The following MYO1E variants were observed in gnomAD, a reference collection of about 807,000 sequenced individuals.
MYO1E encodes unconventional myosin-Ie.
Under a neutral mutation model 151.1 loss-of-function variants are expected in MYO1E, and 68 were observed. The observed-to-expected ratio is 0.45, with a 90% CI of 0.37 to 0.55. MYO1E has a LOEUF of 0.55. Ranked by LOEUF, MYO1E falls within the 20% of genes least tolerant of loss-of-function variation. The probability of loss-of-function intolerance (pLI) is 0.00; values close to 1 mark genes in which losing one functional copy is unlikely to be tolerated. For missense variants in MYO1E, 1,363 were observed against 1,389.3 expected, an observed-to-expected ratio of 0.98 and a Z score of 0.30; for synonymous variants, 601 against 501.7, an observed-to-expected ratio of 1.20 and a Z score of -2.64.
At chr15:59,225,637 T>C (rs1405907767) in intron 7 of MYO1E, among the ~76,000 whole-genome samples, 3 of 76,410 alleles carry the variant, frequency 3.9e-5, no homozygotes, top group African/African-American at 7.4e-5. Flanking sequence ...TTTCTTTTTC[T>C]TTCTTTTCTT....
chr15:59,347,981 A>G (rs547553046), intron 1 of MYO1E, among the ~76,000 whole-genome samples: 89 of 152,322 alleles, frequency 5.8e-4, no homozygotes, highest in African/African-American at 1.9e-3. Flanking sequence ...CACAGCTGTA[A>G]AGCAGCGGCT....
intron 8 of MYO1E, among the ~76,000 whole-genome samples, chr15:59,223,673 G>A (rs1318822437): frequency 1.3e-5 from 2 of 152,082 alleles, no homozygotes; most frequent in Admixed American, 1.3e-4. Context: ...TCATCAGGAG[G>A]GATAAGAATA....
intron 15 of MYO1E, among the ~76,000 whole-genome samples, chr15:59,203,928 G>A (rs149733886): frequency 6.6e-6 from 1 of 152,242 alleles, no homozygotes; most frequent in African/African-American, 2.4e-5. Flanking sequence ...AATTTTCCAG[G>A]AAGTCTCCCC....
chr15:59,305,198 T>C (rs2080507618), intron 1 of MYO1E, among the ~76,000 whole-genome samples: 1 of 152,146 alleles, frequency 6.6e-6, no homozygotes, highest in Admixed American at 6.6e-5. Flanking sequence ...TTATTTATTA[T>C]TTATTTATCT....
chr15:59,366,973 A>G (rs932417509), intron 1 of MYO1E, among the ~76,000 whole-genome samples: 1 of 143,632 alleles, frequency 7.0e-6, no homozygotes, highest in African/African-American at 2.6e-5. Flanking sequence ...CAGATTGGTA[A>G]AAACACAAGT....
At chr15:59,228,301 G>T (rs1361617300) in intron 6 of MYO1E, among the ~76,000 whole-genome samples, 1 of 152,028 alleles carries the variant, frequency 6.6e-6, no homozygotes, top group African/African-American at 2.4e-5. Context: ...GGTCAACATG[G>T]TGAAACCCCA....
intron 1 of MYO1E, among the ~76,000 whole-genome samples, chr15:59,278,346 C>T (rs1296187396): frequency 6.6e-6 from 1 of 152,196 alleles, no homozygotes; most frequent in African/African-American, 2.4e-5. Flanking sequence ...CTCTGGCCTG[C>T]AGTCAAACTG....
chr15:59,272,180 C>G, intron 2 of MYO1E, 126 bp downstream of exon 2: 1 of 1,087,862 alleles, frequency 9.2e-7, no homozygotes, highest in Admixed American at 1.7e-5. Context: ...GTCTGGAACT[C>G]CTGCCTTAGC....
intron 26 of MYO1E, 86 bp downstream of exon 26, chr15:59,153,504 G>T: frequency 6.9e-7 from 1 of 1,443,546 alleles, no homozygotes. Flanking sequence ...CCTGTGTATT[G>T]ACAGCCCACA....
At chr15:59,344,904 G>T (rs982383501) in intron 1 of MYO1E, among the ~76,000 whole-genome samples, 1 of 152,172 alleles carries the variant, frequency 6.6e-6, no homozygotes, top group Admixed American at 6.6e-5. Context: ...AAAAGACCAA[G>T]AACTCAAACC....
intron 26 of MYO1E, 132 bp from the exon 27 acceptor site, chr15:59,138,499 GC>G: frequency 1.1e-6 from 1 of 951,992 alleles, no homozygotes; most frequent in Non-Finnish European, 1.6e-6. Context: ...AAGACATGTG[GC>G]CCAGGGTGCA....
intron 1 of MYO1E, among the ~76,000 whole-genome samples, chr15:59,273,643 C>T (rs565706927): frequency 1.3e-4 from 11 of 84,434 alleles, no homozygotes; most frequent in African/African-American, 5.4e-4. Context: ...GGAGGAAGGA[C>T]ATTCATTATA....
At chr15:59,196,173 A>G (rs1357089188) in intron 16 of MYO1E, among the ~76,000 whole-genome samples, 9 of 152,108 alleles carry the variant, frequency 5.9e-5, no homozygotes, top group Admixed American at 5.9e-4. Context: ...CCATTTAAAA[A>G]CCTGCAGAGT....
Position 59,372,408 on chromosome 15 carries a change from C to A in MYO1E, c.3+90G>T, listed in dbSNP as rs7175010. 1 allele frequency: 1,488,818 copies of A among 1,490,184 alleles called. 743,741 individuals are homozygous for A. Among genetic ancestry groups the A allele is most frequent in the East Asian group, 1 (40,313 of 40,314 alleles). 92.3% of individuals were successfully genotyped at this position (1,490,184 alleles called of 1,614,324 possible). A position where few individuals can be genotyped will look rare whatever the true frequency, so the allele number is the denominator to read the frequency against. ...CGTCCACCTTCTCCACCCCTGGCCC[C>A]GGCAGCGCGCCCAAGGTGGGTGCAC... On this transcript the variant is annotated intron_variant, in intron 1 of 27. Transcript: ENST00000288235.
intron 19 of MYO1E, 37 bp downstream of exon 19, chr15:59,178,356 G>A (rs373394514): frequency 1.7e-5 from 27 of 1,611,852 alleles, no homozygotes; most frequent in South Asian, 2.2e-5. Flanking sequence ...GGGGCCCCGC[G>A]GGAGGGAAGA....
intron 14 of MYO1E, chr15:59,206,831 C>G (rs1292107643): frequency 8.9e-7 from 1 of 1,127,590 alleles, no homozygotes; most frequent in African/African-American, 1.6e-5. Flanking sequence ...GCGGGGCACG[C>G]GCACCTGCCG....
At chr15:59,295,185 G>T (rs139606308) in intron 1 of MYO1E, among the ~76,000 whole-genome samples, 1 of 152,052 alleles carries the variant, frequency 6.6e-6, no homozygotes, top group Admixed American at 6.5e-5. Flanking sequence ...GTCATCCTAG[G>T]AGGCTTCAGG....
chr15:59,209,460 G>C (rs1444774435), intron 13 of MYO1E, among the ~76,000 whole-genome samples: 1 of 151,864 alleles, frequency 6.6e-6, no homozygotes, highest in Non-Finnish European at 1.5e-5. Context: ...GGTGGATCAC[G>C]AGGTCAGGAG....
At chr15:59,148,462 G>C (rs2079455304) in intron 26 of MYO1E, among the ~76,000 whole-genome samples, 1 of 152,126 alleles carries the variant, frequency 6.6e-6, no homozygotes, top group East Asian at 1.9e-4. Context: ...TTTATGTCTT[G>C]AAATTCCAAG....
Sources: allele counts gnomAD v4.1 joint callset (sites outside exome capture counted in the v4.1 genomes callset), GRCh38; gene constraint gnomAD v4.1.1; transcripts MANE v1.5; gene names NCBI Gene and HGNC (gene_info 2026-07-23, HGNC 2026-07-21).